Variants in CLVS1 observed in about 807,000 individuals in gnomAD.
The protein encoded by CLVS1 is clavesin-1.
In CLVS1, 10 loss-of-function variants were observed where a neutral mutation model predicts 33.1. The ratio of observed to expected loss-of-function variants is 0.30; its 90% CI spans 0.19 to 0.51. The LOEUF is 0.51. Among genes scored for constraint, CLVS1 ranks in the 20% least tolerant of loss-of-function variants. The probability of loss-of-function intolerance (pLI) is 0.97; values close to 1 mark genes in which losing one functional copy is unlikely to be tolerated. For synonymous variants in CLVS1, 163 were observed against 166.1 expected, an observed-to-expected ratio of 0.98 and a Z score of 0.14; for missense variants, 343 against 433.4, an observed-to-expected ratio of 0.79 and a Z score of 1.85.
At chr8:61,069,279 T>C (rs1804745489) in intron 1 of CLVS1, among the ~76,000 whole-genome samples, 1 of 152,200 alleles carries the variant, frequency 6.6e-6, no homozygotes, top group East Asian at 1.9e-4. Flanking sequence ...GAATTCTTTT[T>C]ACAATGTAGG....
chr8:61,045,709 C>T, the CLVS1 span, among the ~76,000 whole-genome samples: 3 of 152,236 alleles, frequency 2.0e-5, no homozygotes, highest in East Asian at 3.9e-4. Flanking sequence ...TGAGGAAATT[C>T]GTATATTCCA....
At chr8:61,062,138 T>C (rs1321079735) in intron 1 of CLVS1, among the ~76,000 whole-genome samples, 2 of 152,094 alleles carry the variant, frequency 1.3e-5, no homozygotes, top group African/African-American at 4.8e-5. Context: ...TAGACCTGGG[T>C]CAAAACTCCA....
chr8:61,412,556 A>G (rs1815269091), intron 3 of CLVS1, among the ~76,000 whole-genome samples: 1 of 152,216 alleles, frequency 6.6e-6, no homozygotes, highest in African/African-American at 2.4e-5. Flanking sequence ...ATGGCATTCA[A>G]GAATCTTCCT....
intron 2 of CLVS1, among the ~76,000 whole-genome samples, chr8:61,246,054 G>A (rs1808800499): frequency 6.6e-6 from 1 of 151,256 alleles, no homozygotes; most frequent in Non-Finnish European, 1.5e-5. Context: ...TTATAGGTGT[G>A]AGCTACTGCA....
chr8:61,024,862 T>G, the CLVS1 span, among the ~76,000 whole-genome samples: 6 of 152,182 alleles, frequency 3.9e-5, no homozygotes, highest in East Asian at 1.2e-3. Flanking sequence ...CTTTCTTTTT[T>G]TTTTTTAGAC....
At chr8:61,057,743 C>A (rs1462416369) in intron 1 of CLVS1, among the ~76,000 whole-genome samples, 2 of 152,082 alleles carry the variant, frequency 1.3e-5, no homozygotes, top group Non-Finnish European at 2.9e-5. Flanking sequence ...TCCTAAAGAT[C>A]AACAGAAGAA....
chr8:61,002,955 G>A, the CLVS1 span, among the ~76,000 whole-genome samples: 2 of 152,224 alleles, frequency 1.3e-5, no homozygotes, highest in African/African-American at 4.8e-5. Context: ...TTTTGCAGGT[G>A]TGTCTTTCCT....
chr8:61,013,993 C>T, the CLVS1 span, among the ~76,000 whole-genome samples: 2 of 151,642 alleles, frequency 1.3e-5, no homozygotes, highest in African/African-American at 4.9e-5. Flanking sequence ...AAAATCAGCT[C>T]GATGCACTTG....
chr8:61,349,876 C>T (rs1812377549), intron 2 of CLVS1, among the ~76,000 whole-genome samples: 1 of 152,096 alleles, frequency 6.6e-6, no homozygotes, highest in Admixed American at 6.6e-5. Context: ...TAAGTGTGCA[C>T]TACCAGCTTG....
intron 2 of CLVS1, among the ~76,000 whole-genome samples, chr8:61,355,146 T>A (rs1419694352): frequency 6.6e-6 from 1 of 152,160 alleles, no homozygotes; most frequent in Non-Finnish European, 1.5e-5. Flanking sequence ...CAGCTAGAGC[T>A]CTTGCAGCAA....
intron 3 of CLVS1, 68 bp from the exon 4 acceptor site, chr8:61,454,073 G>A: frequency 9.3e-7 from 1 of 1,070,684 alleles, no homozygotes; most frequent in East Asian, 2.4e-5. Flanking sequence ...TTGGGGCATT[G>A]GTCCTGCTGG....
intron 2 of CLVS1, among the ~76,000 whole-genome samples, chr8:61,343,788 G>T (rs780089259): frequency 4.6e-5 from 7 of 152,034 alleles, no homozygotes; most frequent in Non-Finnish European, 1.0e-4. Flanking sequence ...TTTCATTTTG[G>T]TGATATGTTT....
chr8:61,080,881 G>A (rs2129282427), intron 1 of CLVS1, among the ~76,000 whole-genome samples: 1 of 152,304 alleles, frequency 6.6e-6, no homozygotes, highest in East Asian at 1.9e-4. Flanking sequence ...TGGCTGTAAG[G>A]ATGAGAAAAG....
At chr8:61,400,223 G>T (rs1814696019) in intron 3 of CLVS1, among the ~76,000 whole-genome samples, 2 of 152,130 alleles carry the variant, frequency 1.3e-5, no homozygotes, top group South Asian at 2.1e-4. Context: ...GCAGTGATTT[G>T]TACCTGTCCT....
At chr8:61,477,606 C>G (rs1466694854) in intron 5 of CLVS1, among the ~76,000 whole-genome samples, 5 of 152,194 alleles carry the variant, frequency 3.3e-5, no homozygotes, top group African/African-American at 1.2e-4. Context: ...ATAGTATTCT[C>G]TGATGGTAGT....
chr8:61,403,784 G>T (rs1417066665), intron 3 of CLVS1, among the ~76,000 whole-genome samples: 1 of 152,146 alleles, frequency 6.6e-6, no homozygotes, highest in Non-Finnish European at 1.5e-5. Flanking sequence ...TCAGCAGTTG[G>T]ATTTGTATGT....
intron 2 of CLVS1, among the ~76,000 whole-genome samples, chr8:61,260,565 C>T (rs1386045643): frequency 6.6e-6 from 1 of 152,148 alleles, no homozygotes; most frequent in East Asian, 1.9e-4. Context: ...CTTTCTCTAA[C>T]ACTCTGGATA....
intron 2 of CLVS1, among the ~76,000 whole-genome samples, chr8:61,253,540 TG>T: frequency 6.6e-6 from 1 of 152,306 alleles, no homozygotes; most frequent in Middle Eastern, 3.4e-3. Context: ...CCATTCTCCC[TG>T]TCACTTTCAG....
intron 3 of CLVS1, among the ~76,000 whole-genome samples, chr8:61,441,051 G>A (rs948639873): frequency 1.3e-5 from 2 of 152,206 alleles, no homozygotes; most frequent in East Asian, 1.9e-4. Context: ...ACTGTCACAC[G>A]GTATAAGAGA....
Sources: allele counts gnomAD v4.1 joint callset (sites outside exome capture counted in the v4.1 genomes callset), GRCh38; gene constraint gnomAD v4.1.1; transcripts MANE v1.5; gene names NCBI Gene and HGNC (gene_info 2026-07-23, HGNC 2026-07-21).